The following HBS1L variants were observed in gnomAD, a reference collection of about 807,000 sequenced individuals.
HBS1L encodes the protein HBS1 like translational GTPase, also known as HBS1-like protein.
A neutral mutation model predicts 88.9 loss-of-function variants in HBS1L; 55 were observed. That is an observed-to-expected ratio of 0.62 (90% CI 0.50 to 0.77). The LOEUF (loss-of-function observed/expected upper bound fraction) is 0.77, where lower values mean the gene tolerates loss of function less well. HBS1L is among the 30% of genes least tolerant of loss of function. The pLI is 0.00. For missense variants in HBS1L, 741 were observed against 829.3 expected (o/e 0.89, Z 1.31); for synonymous variants, 267 against 288.5 (o/e 0.93, Z 0.76).
rs576883708 is a variant in HBS1L at position 134,973,014 on chromosome 6, C to G, written c.1798-3676G>C. On this transcript the variant is annotated intron_variant, in intron 15 of 17. Coordinates refer to ENST00000367837, the MANE Select transcript of HBS1L (RefSeq NM_006620.4). ...TGGTGGGAATGTAAAATGGTAGAGC[C>G]CCTGTGGAAAATGGTTTAGCAGTTC... Among the ~76,000 whole-genome samples, 12 of 152,258 alleles carry G rather than the reference C, an allele frequency of 7.9e-5. No homozygotes were observed. In the East Asian group the frequency reaches 2.3e-3, roughly 29 times the overall value.
At chr6:135,047,015 A>G (rs1214339699) in intron 2 of HBS1L, among the ~76,000 whole-genome samples, 1 of 152,270 alleles carries the variant, frequency 6.6e-6, no homozygotes, top group Non-Finnish European at 1.5e-5. Context: ...AGAAGAAACC[A>G]AAAACATTTA....
chr6:134,996,974 G>C (rs181695321), intron 6 of HBS1L, 32 bp from the exon 7 acceptor site: 289 of 1,497,042 alleles, frequency 1.9e-4, no homozygotes, highest in Admixed American at 2.7e-4. Context: ...TTAATACCAG[G>C]TACATTTCCA....
chr6:134,979,197 T>G lies in HBS1L; in HGVS notation c.1669A>C (p.Met557Leu), dbSNP rs1272858057. Reference protein sequence around the residue: ...GDHVSLTLVGMDIIKINVGCI... With the variant: ...GDHVSLTLVGLDIIKINVGCI... ...ACTCACTTGATTTTGATGATATCCATCCCAACCAAAGTAAGACTAACATGA... is the reference window on the plus strand; with the variant it reads ...ACTCACTTGATTTTGATGATATCCAGCCCAACCAAAGTAAGACTAACATGA... The change falls in exon 14 of 18, where the codon ATG becomes CTG. Residue 557 changes from methionine (M) to leucine (L), a missense_variant. Around this residue, in one of 3 missense-constraint regions of HBS1L, gnomAD observed 181 missense variants for 212.7 expected, o/e 0.85. Coordinates refer to ENST00000367837, the MANE Select transcript of HBS1L (RefSeq NM_006620.4). The G allele has an allele frequency of 6.2e-7, 1 of 1,611,420 alleles. No homozygotes were observed. The highest frequency in any genetic ancestry group is 1.3e-5 in the African/African-American group (1 of 74,774).
chr6:134,979,559 C>A, intron 13 of HBS1L: 1 of 280,696 alleles, frequency 3.6e-6, no homozygotes, highest in African/African-American at 2.2e-5. Flanking sequence ...TTGGTATATT[C>A]ATTAAACAGG....
intron 4 of HBS1L, among the ~76,000 whole-genome samples, chr6:135,031,581 G>C (rs1776385352): frequency 6.6e-6 from 1 of 151,972 alleles, no homozygotes; most frequent in Non-Finnish European, 1.5e-5. Context: ...ACAAAGACGG[G>C]AAACAGAAGA....
intron 4 of HBS1L, among the ~76,000 whole-genome samples, chr6:135,010,158 A>C (rs542218145): frequency 9.2e-5 from 14 of 152,138 alleles, no homozygotes; most frequent in Non-Finnish European, 1.8e-4. Context: ...GATATCTTCT[A>C]TACACAAGGG....
At chr6:135,008,330 A>T (rs1775669393) in intron 4 of HBS1L, among the ~76,000 whole-genome samples, 1 of 152,278 alleles carries the variant, frequency 6.6e-6, no homozygotes. Context: ...TTATTGACAA[A>T]GAAACAAGGG....
chr6:135,019,877 A>C (rs1776024096), intron 4 of HBS1L, among the ~76,000 whole-genome samples: 1 of 151,920 alleles, frequency 6.6e-6, no homozygotes, highest in Admixed American at 6.6e-5. Flanking sequence ...CAATTAATAA[A>C]GGAAAAGGAA....
At position 135,004,260 on chromosome 6, in the gene HBS1L, TAAA is replaced by T. The variant is rs11336026; in HGVS notation, c.431-1421_431-1419del. On this transcript the variant is annotated intron_variant, in intron 4 of 17. Transcript: ENST00000367837. ...CTAGCGGGGAAAACATACTAAATGA[TAAA>T]AAAAAAAAAAAAAGTACAATTAAAA... Among the ~76,000 whole-genome samples the T allele has an allele frequency of 7.5e-3, 1,016 of 134,808 alleles. 5 individuals carry two copies. The highest frequency in any genetic ancestry group is 0.017 in the African/African-American group (631 of 36,854). The allele number at this position is 134,808 out of a possible 152,430, so 88.4% of individuals were successfully genotyped here.
intron 4 of HBS1L, among the ~76,000 whole-genome samples, chr6:135,030,151 G>A (rs1776343626): frequency 6.6e-6 from 1 of 152,180 alleles, no homozygotes; most frequent in African/African-American, 2.4e-5. Context: ...GGGGTGGAGG[G>A]AGAGCAGAGA....
At chr6:134,980,311 T>C (rs1053631840) in intron 13 of HBS1L, among the ~76,000 whole-genome samples, 15 of 152,032 alleles carry the variant, frequency 9.9e-5, no homozygotes, top group Non-Finnish European at 1.6e-4. Context: ...ATGCAAAATA[T>C]CATGTATGTG....
At chr6:135,016,336 T>A (rs1439648653) in intron 4 of HBS1L, among the ~76,000 whole-genome samples, 1 of 152,374 alleles carries the variant, frequency 6.6e-6, no homozygotes, top group East Asian at 1.9e-4. Flanking sequence ...TTTCAGAATG[T>A]CCTAATATAC....
At chr6:134,975,140 A>T (rs2114759305) in intron 15 of HBS1L, among the ~76,000 whole-genome samples, 1 of 152,262 alleles carries the variant, frequency 6.6e-6, no homozygotes, top group African/African-American at 2.4e-5. Context: ...CAAGAACAAG[A>T]ACTTAATCCC....
rs528197996 is a variant in HBS1L at position 135,039,873 on chromosome 6, C to T, written c.236-106G>A. ...TTTACAGCTGTACTAGAATATTCAA[C>T]TCTCCCTTCTCTTTGGCAAAAATTA... is the stretch of plus-strand genomic sequence containing the variant. On this transcript the variant is annotated intron_variant, in intron 3 of 17. Transcript: ENST00000367837. 136 of 906,246 alleles carry T rather than the reference C, an allele frequency of 1.5e-4. 2 individuals carry two copies. The South Asian group carries it at 2.3e-3, about 16-fold the overall frequency. 56.1% of individuals were successfully genotyped at this position (906,246 alleles called of 1,614,324 possible). A position where few individuals can be genotyped will look rare whatever the true frequency, so the allele number is the denominator to read the frequency against.
intron 4 of HBS1L, among the ~76,000 whole-genome samples, chr6:135,022,337 G>A (rs113847290): frequency 1.3e-5 from 2 of 150,768 alleles, no homozygotes; most frequent in South Asian, 2.1e-4. Context: ...AAAAAAGCAA[G>A]GTAATTAATG....
chr6:134,979,258 C>T lies in HBS1L; in HGVS notation c.1608G>A (p.Leu536=). ...CCGCCCAGTCGACAGGTTCATCATG[C>T]AGAGTGATTCCTGGAAATGAGTAAG... ...NETCTVKGIT[L]HDEPVDWAAA... The change falls in exon 14 of 18, where the codon CTG becomes CTA. Residue 536 remains leucine (L), a synonymous_variant. Coordinates refer to ENST00000367837, the MANE Select transcript of HBS1L (RefSeq NM_006620.4). 6.2e-7 allele frequency: 1 copy of T among 1,611,400 alleles called. No homozygotes were observed. Among genetic ancestry groups the T allele is most frequent in the South Asian group, 1.1e-5 (1 of 90,990 alleles).
At chr6:135,017,740 T>C (rs2114848880) in intron 4 of HBS1L, among the ~76,000 whole-genome samples, 1 of 152,100 alleles carries the variant, frequency 6.6e-6, no homozygotes, top group East Asian at 1.9e-4. Context: ...TAAATTATGT[T>C]ATCTCAAGGT....
intron 17 of HBS1L, 93 bp from the exon 18 acceptor site, chr6:134,965,383 A>C: frequency 1.2e-6 from 1 of 848,274 alleles, no homozygotes; most frequent in Non-Finnish European, 1.9e-6. Flanking sequence ...AAGAATTATT[A>C]TATCAAGAGA....
intron 12 of HBS1L, among the ~76,000 whole-genome samples, chr6:134,984,698 T>C (rs1774930205): frequency 6.6e-6 from 1 of 152,192 alleles, no homozygotes; most frequent in African/African-American, 2.4e-5. Context: ...TATAGGATCT[T>C]GCCCTTATTA....
Sources: allele counts gnomAD v4.1 joint callset (sites outside exome capture counted in the v4.1 genomes callset), GRCh38; gene constraint gnomAD v4.1.1; regional missense constraint gnomAD v4.1.1; transcripts MANE v1.5; gene names NCBI Gene and HGNC (gene_info 2026-07-23, HGNC 2026-07-21).